LMCD1: variants seen among roughly 807,000 people sequenced by gnomAD.
The protein encoded by LMCD1 is LIM and cysteine-rich domains protein 1.
A neutral mutation model predicts 42.7 loss-of-function variants in LMCD1; 32 were observed. That is an observed-to-expected ratio of 0.75 (90% CI 0.57 to 1.01). The LOEUF (loss-of-function observed/expected upper bound fraction) is 1.01, where lower values mean the gene tolerates loss of function less well. LMCD1 is among the 50% of genes least tolerant of loss of function. The probability of loss-of-function intolerance (pLI) is 0.00; values close to 1 mark genes in which losing one functional copy is unlikely to be tolerated. For missense variants in LMCD1, 458 were observed against 483.1 expected (o/e 0.95, Z 0.49); for synonymous variants, 178 against 184.9 (o/e 0.96, Z 0.30).
rs1695202078 is a variant in LMCD1 at position 8,570,865 on chromosome 3, C to CA, written c.*3270dup. ...TCCTTCCTGTTATCCTTTCAGAAGCCAAATGGGCAGTTTACAGTCACAGTG... is the reference window on the plus strand; with the variant it reads ...TCCTTCCTGTTATCCTTTCAGAAGCCAAAATGGGCAGTTTACAGTCACAGTG... On this transcript the variant is annotated 3_prime_UTR_variant, in exon 6 of 6. Coordinates refer to ENST00000157600, the MANE Select transcript of LMCD1 (RefSeq NM_014583.4). 1 of 152,204 alleles carries CA rather than the reference C, an allele frequency of 6.6e-6. No individual in the cohort carries two copies. The highest frequency in any genetic ancestry group is 1.5e-5 in the Non-Finnish European group (1 of 68,068). 9.4% of individuals were successfully genotyped at this position (152,204 alleles called of 1,614,324 possible).
chr3:8,508,337 G>A (rs1404367392), intron 1 of LMCD1, among the ~76,000 whole-genome samples: 2 of 151,958 alleles, frequency 1.3e-5, no homozygotes, highest in African/African-American at 2.4e-5. Flanking sequence ...GGCCCCCACC[G>A]GGACATGCTT....
chr3:8,570,838 C>CT lies in LMCD1; in HGVS notation c.*3242dup, dbSNP rs1695201867. ...TCTTATTTTTCCTGCCCCAACCCTC[C>CT]TTCCTTCCTGTTATCCTTTCAGAAG... On this transcript the variant is annotated 3_prime_UTR_variant, in exon 6 of 6. Transcript: ENST00000157600. The CT allele has an allele frequency of 6.6e-6, 1 of 152,220 alleles. No homozygotes were observed. Among genetic ancestry groups the CT allele is most frequent in the Admixed American group, 6.5e-5 (1 of 15,284 alleles). 9.4% of individuals were successfully genotyped at this position (152,220 alleles called of 1,614,324 possible).
At chr3:8,550,936 C>T in intron 4 of LMCD1, 1 of 985,376 alleles carries the variant, frequency 1.0e-6, no homozygotes, top group Non-Finnish European at 1.2e-6. Flanking sequence ...GGAACAAAGG[C>T]AAAGGCAGCC....
Position 8,557,671 on chromosome 3 carries a change from G to C in LMCD1, c.724-7761G>C, listed in dbSNP as rs1057331298. Among the ~76,000 whole-genome samples the C allele has an allele frequency of 2.6e-5, 4 of 152,156 alleles. No individual in the cohort carries two copies. In the East Asian group the frequency reaches 5.8e-4, roughly 22 times the overall value. The stretch of plus-strand genomic sequence containing the variant: ...TGTTGCCTAAAACACTTTGTGTCTT[G>C]GTTACTCCTATTTCAGAAACCTTAA... On this transcript the variant is annotated intron_variant, in intron 4 of 5. Coordinates refer to ENST00000157600, the MANE Select transcript of LMCD1 (RefSeq NM_014583.4).
Position 8,537,167 on chromosome 3 carries a change from C to G in LMCD1, c.132-18C>G, listed in dbSNP as rs554316062. ...TCCTGGAGGTTAATCTCACTGGTCC[C>G]CATCCACCCACCCCCAGGAAAATAT... On this transcript the variant is annotated intron_variant, in intron 2 of 5. Transcript: ENST00000157600. 1 of 1,611,508 alleles carries G rather than the reference C, an allele frequency of 6.2e-7. No individual in the cohort carries two copies. The highest frequency in any genetic ancestry group is 2.2e-5 in the East Asian group (1 of 44,802).
intron 1 of LMCD1, among the ~76,000 whole-genome samples, chr3:8,511,353 A>T (rs1693995823): frequency 6.6e-6 from 1 of 152,246 alleles, no homozygotes; most frequent in Non-Finnish European, 1.5e-5. Context: ...CAAATATTAT[A>T]TGCCAGGGAC....
At chr3:8,531,227 C>T (rs574565687) in intron 1 of LMCD1, among the ~76,000 whole-genome samples, 1 of 152,320 alleles carries the variant, frequency 6.6e-6, no homozygotes, top group African/African-American at 2.4e-5. Flanking sequence ...GCTCACATTG[C>T]ATACCCTACT....
At position 8,570,974 on chromosome 3, in the gene LMCD1, C is replaced by A. The variant is rs546757151; in HGVS notation, c.*3376C>A. The A allele has an allele frequency of 6.6e-6, 1 of 152,304 alleles. No individual in the cohort carries two copies. Among genetic ancestry groups the A allele is most frequent in the East Asian group, 1.9e-4 (1 of 5,158 alleles). The allele number at this position is 152,304 out of a possible 1,614,324, so 9.4% of individuals were successfully genotyped here. ...TTCCCCACACTGTGTTTAATTGCTG[C>A]CTCTGCTGGGGGGCTGCAATAGCTG... On this transcript the variant is annotated 3_prime_UTR_variant, in exon 6 of 6. Coordinates refer to ENST00000157600, the MANE Select transcript of LMCD1 (RefSeq NM_014583.4).
At chr3:8,545,491 C>T (rs1021895542) in intron 3 of LMCD1, among the ~76,000 whole-genome samples, 6 of 152,196 alleles carry the variant, frequency 3.9e-5, no homozygotes, top group Non-Finnish European at 5.9e-5. Flanking sequence ...TAGGAATCGT[C>T]CTCTGGCCTT....
chr3:8,526,905 G>A (rs1450183949), intron 1 of LMCD1, among the ~76,000 whole-genome samples: 1 of 152,198 alleles, frequency 6.6e-6, no homozygotes, highest in Non-Finnish European at 1.5e-5. Context: ...GTTCTCTGAG[G>A]TTTAGATGAG....
Position 8,548,643 on chromosome 3 carries a change from C to A in LMCD1, c.463C>A (p.Arg155Ser). The A allele has an allele frequency of 3.1e-6, 5 of 1,614,180 alleles. No homozygotes were observed. Among genetic ancestry groups the A allele is most frequent in the Non-Finnish European group, 4.2e-6 (5 of 1,180,042 alleles). ...TGTEGAFYRR[R>S]QLMHQLPIYD... ...CACAGAGGGTGCCTTTTACCGCCGC[C>A]GCCAGCTCATGCACCAGCTCCCCAT... Residue 155 changes from arginine (R) to serine (S), a missense_variant, in exon 4 of 6, where the codon CGC becomes AGC. Coordinates refer to ENST00000157600, the MANE Select transcript of LMCD1 (RefSeq NM_014583.4).
At chr3:8,529,612 A>G (rs1214888991) in intron 1 of LMCD1, among the ~76,000 whole-genome samples, 1 of 152,224 alleles carries the variant, frequency 6.6e-6, no homozygotes, top group Non-Finnish European at 1.5e-5. Context: ...TGAGTTAATC[A>G]TTAAGTATGG....
chr3:8,519,172 A>G (rs1221185317), intron 1 of LMCD1, among the ~76,000 whole-genome samples: 5 of 152,198 alleles, frequency 3.3e-5, no homozygotes, highest in African/African-American at 1.2e-4. Context: ...TTGAGGAGTT[A>G]TATACATAAT....
At position 8,529,282 on chromosome 3, in the gene LMCD1, G is replaced by C. The variant is rs368452569; in HGVS notation, c.43-3455G>C. ...AAATGACTATTTATTGCATTAAACA[G>C]TCAGCCAGGAAACTAGCTGCAAGTG... On this transcript the variant is annotated intron_variant, in intron 1 of 5. Transcript: ENST00000157600. Among the ~76,000 whole-genome samples, 13 of 152,294 alleles carry C rather than the reference G, an allele frequency of 8.5e-5. No homozygotes were observed. The South Asian group carries it at 1.2e-3, about 15-fold the overall frequency.
intron 1 of LMCD1, among the ~76,000 whole-genome samples, chr3:8,518,132 G>T (rs190115103): frequency 4.6e-5 from 7 of 152,182 alleles, no homozygotes; most frequent in African/African-American, 1.4e-4. Context: ...CAGGGCTCAG[G>T]TTCAACACTA....
At chr3:8,558,442 C>T (rs1321236487) in intron 4 of LMCD1, among the ~76,000 whole-genome samples, 1 of 152,236 alleles carries the variant, frequency 6.6e-6, no homozygotes, top group Non-Finnish European at 1.5e-5. Flanking sequence ...CAGGAAGAAA[C>T]TTCCCATTTG....
intron 3 of LMCD1, among the ~76,000 whole-genome samples, chr3:8,542,734 G>A (rs1694649959): frequency 6.6e-6 from 1 of 152,250 alleles, no homozygotes. Flanking sequence ...ATGCTGCTGG[G>A]TTCATAGCTG....
At chr3:8,508,076 G>T (rs796689784) in intron 1 of LMCD1, among the ~76,000 whole-genome samples, 24 of 152,294 alleles carry the variant, frequency 1.6e-4, no homozygotes, top group African/African-American at 5.8e-4. Flanking sequence ...AGACTTTCTT[G>T]ATTTCTCCTG....
In LMCD1 at chr3:8,568,244, AGTGTAGGCTTTGG is replaced by A. The variant is rs1695161482; in HGVS notation, c.*648_*660del. On this transcript the variant is annotated 3_prime_UTR_variant, in exon 6 of 6. Transcript: ENST00000157600. ...TGTATCTCATCAGACTTCCACTGGG[AGTGTAGGCTTTGG>A]GACAGAACCCCCGCCCCACCTGCCT... The A allele has an allele frequency of 2.0e-5, 3 of 152,298 alleles. No individual in the cohort carries two copies. The highest frequency in any genetic ancestry group is 7.2e-5 in the African/African-American group (3 of 41,554). The allele number at this position is 152,298 out of a possible 1,614,324, so 9.4% of individuals were successfully genotyped here. A position where few individuals can be genotyped will look rare whatever the true frequency, so the allele number is the denominator to read the frequency against.
Sources: allele counts gnomAD v4.1 joint callset (sites outside exome capture counted in the v4.1 genomes callset), GRCh38; gene constraint gnomAD v4.1.1; transcripts MANE v1.5; gene names NCBI Gene and HGNC (gene_info 2026-07-23, HGNC 2026-07-21).